The following RUNX2 variants were observed in gnomAD, a reference collection of about 807,000 sequenced individuals.
The protein encoded by RUNX2 is RUNX family transcription factor 2.
Under a neutral mutation model 51.7 loss-of-function variants are expected in RUNX2, and 10 were observed. The ratio of observed to expected loss-of-function variants is 0.19; its 90% CI spans 0.12 to 0.33. The LOEUF is 0.33. Among genes scored for constraint, RUNX2 ranks in the 10% least tolerant of loss-of-function variants. RUNX2 has a pLI of 1.00. For missense variants in RUNX2, 562 were observed against 691.3 expected (o/e 0.81, Z 2.10); for synonymous variants, 276 against 273.6 (o/e 1.01, Z -0.09).
chr6:45,508,796 G>A (rs1330225827), intron 6 of RUNX2, among the ~76,000 whole-genome samples: 1 of 152,074 alleles, frequency 6.6e-6, no homozygotes, highest in Non-Finnish European at 1.5e-5. Flanking sequence ...AAAACCTCAC[G>A]ATATAAACCT....
chr6:45,407,887 A>AC (rs1210992649), intron 2 of RUNX2, among the ~76,000 whole-genome samples: 7 of 152,306 alleles, frequency 4.6e-5, no homozygotes, highest in African/African-American at 1.2e-4. Context: ...AAAAATAAGT[A>AC]CATAAATTGA....
intron 2 of RUNX2, among the ~76,000 whole-genome samples, chr6:45,330,448 C>T (rs1787241596): frequency 6.6e-6 from 1 of 151,858 alleles, no homozygotes; most frequent in Non-Finnish European, 1.5e-5. Flanking sequence ...ATAACAGAGG[C>T]AGTTAAGTTA....
At chr6:45,434,036 G>A (rs1195196833) in intron 4 of RUNX2, among the ~76,000 whole-genome samples, 1 of 152,186 alleles carries the variant, frequency 6.6e-6, no homozygotes, top group Non-Finnish European at 1.5e-5. Flanking sequence ...TCAAGACTTA[G>A]ATGGGGGGTA....
chr6:45,457,792 A>G (rs572194736), intron 5 of RUNX2, among the ~76,000 whole-genome samples: 2 of 152,314 alleles, frequency 1.3e-5, no homozygotes, highest in East Asian at 1.9e-4. Context: ...AGCCAGGGCA[A>G]TGGCAGCTTG....
intron 5 of RUNX2, among the ~76,000 whole-genome samples, chr6:45,462,260 G>A (rs1799498677): frequency 1.3e-5 from 2 of 152,188 alleles, no homozygotes. Flanking sequence ...TGAAAGTGCT[G>A]CTTGGATCCT....
At chr6:45,413,201 A>G (rs1455167783) in intron 2 of RUNX2, among the ~76,000 whole-genome samples, 7 of 152,244 alleles carry the variant, frequency 4.6e-5, no homozygotes, top group Admixed American at 4.6e-4. Flanking sequence ...ATGTATTTAA[A>G]TAAAATCAAA....
intron 6 of RUNX2, among the ~76,000 whole-genome samples, chr6:45,508,220 CTTTTTTTTT>C (rs61501897): frequency 1.5e-5 from 1 of 65,642 alleles, no homozygotes; most frequent in Non-Finnish European, 2.8e-5. Flanking sequence ...CTTATATTTC[CTTTTTTTTT>C]TTTTTTTTTT....
At chr6:45,335,911 A>G (rs1168104517) in intron 2 of RUNX2, among the ~76,000 whole-genome samples, 1 of 151,362 alleles carries the variant, frequency 6.6e-6, no homozygotes, top group East Asian at 1.9e-4. Context: ...CTGCTCTTAT[A>G]AGAGTCAATG....
In RUNX2 at chr6:45,535,971, G is replaced by A. The variant is rs1355623076; in HGVS notation, c.1022-9246G>A. The stretch of plus-strand genomic sequence containing the variant: ...TTGTTGCTCTTGCAAATGTTTGTGT[G>A]CCCTTAACACAGAGTCTAGAAACAC... On this transcript the variant is annotated intron_variant, in intron 7 of 8. Coordinates refer to ENST00000647337, the MANE Select transcript of RUNX2 (RefSeq NM_001024630.4). Among the ~76,000 whole-genome samples, 6 of 151,976 alleles carry A rather than the reference G, an allele frequency of 3.9e-5. No individual in the cohort carries two copies. The East Asian group carries it at 9.7e-4, about 25-fold the overall frequency.
chr6:45,388,468 G>A (rs928618911), intron 2 of RUNX2, among the ~76,000 whole-genome samples: 1 of 152,124 alleles, frequency 6.6e-6, no homozygotes, highest in African/African-American at 2.4e-5. Context: ...GAATATTTGG[G>A]CCCCGCCCCA....
rs780243518 is a variant in RUNX2 at position 45,328,425 on chromosome 6, G to A, written c.-102G>A. On this transcript the variant is annotated 5_prime_UTR_variant, in exon 1 of 9. Transcript: ENST00000647337. ...TCTGGTTTTTAAATGGTTAATCTCC[G>A]CAGGTCACTACCAGCCACCGAGACC... The A allele has an allele frequency of 1.5e-5, 21 of 1,431,956 alleles. No homozygotes were observed. The highest frequency in any genetic ancestry group is 2.0e-4 in the Middle Eastern group (1 of 5,110). 88.7% of individuals were successfully genotyped at this position (1,431,956 alleles called of 1,614,324 possible).
chr6:45,468,195 T>G (rs531985271), intron 5 of RUNX2, among the ~76,000 whole-genome samples: 1 of 152,368 alleles, frequency 6.6e-6, no homozygotes, highest in African/African-American at 2.4e-5. Flanking sequence ...ACCTCCTTTT[T>G]GTAACGAATA....
Position 45,463,573 on chromosome 6 carries a change from T to C in RUNX2, c.685+25522T>C, listed in dbSNP as rs547042851. Among the ~76,000 whole-genome samples the C allele has an allele frequency of 2.1e-4, 32 of 152,338 alleles. No homozygotes were observed. The South Asian group carries it at 6.4e-3, about 31-fold the overall frequency. On this transcript the variant is annotated intron_variant, in intron 5 of 8. Coordinates refer to ENST00000647337, the MANE Select transcript of RUNX2 (RefSeq NM_001024630.4). ...AACTGATGGATTTTCTCAGTGTAAGTATGATAATGTAAAGCAAAGAAATCT... is the reference window on the plus strand; with the variant it reads ...AACTGATGGATTTTCTCAGTGTAAGCATGATAATGTAAAGCAAAGAAATCT...
At chr6:45,342,083 A>T (rs1339117977) in intron 2 of RUNX2, among the ~76,000 whole-genome samples, 1 of 152,174 alleles carries the variant, frequency 6.6e-6, no homozygotes, top group Non-Finnish European at 1.5e-5. Flanking sequence ...ATTTGGCAGC[A>T]GTTATGGAAG....
At chr6:45,437,406 C>T (rs1798714960) in intron 4 of RUNX2, among the ~76,000 whole-genome samples, 1 of 152,152 alleles carries the variant, frequency 6.6e-6, no homozygotes, top group Non-Finnish European at 1.5e-5. Context: ...ACGGCCAGGA[C>T]AGGAGACACT....
At chr6:45,515,573 A>G (rs1434521835) in intron 7 of RUNX2, among the ~76,000 whole-genome samples, 1 of 152,232 alleles carries the variant, frequency 6.6e-6, no homozygotes, top group African/African-American at 2.4e-5. Flanking sequence ...CTTTTCCTTC[A>G]GAAAATAGAT....
intron 5 of RUNX2, among the ~76,000 whole-genome samples, chr6:45,482,089 G>A (rs1800132986): frequency 1.3e-5 from 2 of 152,220 alleles, no homozygotes; most frequent in Non-Finnish European, 2.9e-5. Flanking sequence ...CATGGGAGAG[G>A]AGCTACGGCG....
chr6:45,510,916 G>A (rs1427319207), intron 6 of RUNX2, among the ~76,000 whole-genome samples: 1 of 152,086 alleles, frequency 6.6e-6, no homozygotes, highest in African/African-American at 2.4e-5. Flanking sequence ...GAGTGACTGA[G>A]TAATTAAGCC....
At chr6:45,432,325 A>T (rs57877959) in intron 4 of RUNX2, among the ~76,000 whole-genome samples, 1,913 of 152,342 alleles carry the variant, frequency 0.013, 48 homozygotes, top group African/African-American at 0.044. Flanking sequence ...ATGAGGAGTC[A>T]AATAACTGAG....
Sources: gnomAD v4.1 joint callset for allele counts (sites outside exome capture counted in the v4.1 genomes callset) on GRCh38, gnomAD v4.1.1 for gene constraint, MANE v1.5 for transcripts, NCBI Gene and HGNC (gene_info 2026-07-23, HGNC 2026-07-21) for gene names.